PCED1B: variants seen among roughly 807,000 people sequenced by gnomAD.
PCED1B encodes the protein PC-esterase domain-containing protein 1B.
For synonymous variants in PCED1B, 251 were observed against 246.1 expected, an observed-to-expected ratio of 1.02 and a Z score of -0.19; for missense variants, 573 against 573.9, an observed-to-expected ratio of 1.00 and a Z score of 0.02.
intron 2 of PCED1B, among the ~76,000 whole-genome samples, chr12:47,165,254 G>C (rs1941508547): frequency 6.6e-6 from 1 of 152,168 alleles, no homozygotes; most frequent in Non-Finnish European, 1.5e-5. Flanking sequence ...ATCTGAGTTA[G>C]CAAAACATTT....
At chr12:47,175,302 A>G (rs1283750720) in intron 2 of PCED1B, among the ~76,000 whole-genome samples, 1 of 152,204 alleles carries the variant, frequency 6.6e-6, no homozygotes, top group African/African-American at 2.4e-5. Flanking sequence ...AGTTGAATGT[A>G]AAAGTATTTA....
chr12:47,217,343 G>T (rs527363353), intron 3 of PCED1B, among the ~76,000 whole-genome samples: 1 of 151,334 alleles, frequency 6.6e-6, no homozygotes, highest in Non-Finnish European at 1.5e-5. Flanking sequence ...TTGCTGCAGT[G>T]AGCCATGATT....
intron 2 of PCED1B, among the ~76,000 whole-genome samples, chr12:47,138,923 A>C (rs1200571255): frequency 6.6e-6 from 1 of 152,200 alleles, no homozygotes; most frequent in Non-Finnish European, 1.5e-5. Context: ...AATGTTTTTC[A>C]ACTATTCTTG....
chr12:47,115,652 T>C (rs1939386887), intron 2 of PCED1B, among the ~76,000 whole-genome samples: 1 of 152,220 alleles, frequency 6.6e-6, no homozygotes. Flanking sequence ...AAAAAGGTGA[T>C]ATGTAGTCTC....
chr12:47,125,401 T>C (rs1273775284), intron 2 of PCED1B, among the ~76,000 whole-genome samples: 2 of 152,062 alleles, frequency 1.3e-5, no homozygotes, highest in African/African-American at 4.8e-5. Context: ...AATACCGTAC[T>C]ATTTTGACTA....
intron 2 of PCED1B, among the ~76,000 whole-genome samples, chr12:47,146,848 T>G (rs1428025757): frequency 6.6e-6 from 1 of 152,230 alleles, no homozygotes; most frequent in Middle Eastern, 3.2e-3. Flanking sequence ...TGCCTGTATG[T>G]GATTGTTGAT....
In PCED1B at chr12:47,232,950, A is replaced by T. The variant is rs1943855368; in HGVS notation, c.-57-2057A>T. The stretch of plus-strand genomic sequence containing the variant: ...ATTTATTTATTTATTTATTTAATTT[A>T]TTTAGAGATGGGGTCTCACTTTGTG... On this transcript the variant is annotated intron_variant, in intron 3 of 3. Coordinates refer to ENST00000546455, the MANE Select transcript of PCED1B (RefSeq NM_138371.3). 2.6e-5 allele frequency among the ~76,000 whole-genome samples: 4 copies of T among 151,658 alleles called. No individual in the cohort carries two copies. The South Asian group carries it at 8.3e-4, about 32-fold the overall frequency.
intron 1 of PCED1B, among the ~76,000 whole-genome samples, chr12:47,080,911 G>C (rs1404278553): frequency 6.6e-6 from 1 of 152,078 alleles, no homozygotes; most frequent in African/African-American, 2.4e-5. Context: ...GCGCGTGCGG[G>C]ACAGGGAAGT....
At chr12:47,153,583 G>C (rs892042273) in intron 2 of PCED1B, among the ~76,000 whole-genome samples, 1 of 152,118 alleles carries the variant, frequency 6.6e-6, no homozygotes, top group Non-Finnish European at 1.5e-5. Flanking sequence ...GAAAGGAAAA[G>C]TCATCTGTAC....
chr12:47,118,011 C>G (rs1174645541), intron 2 of PCED1B, among the ~76,000 whole-genome samples: 1 of 152,042 alleles, frequency 6.6e-6, no homozygotes, highest in African/African-American at 2.4e-5. Flanking sequence ...TGAGAAGTGT[C>G]TGTTCATATC....
chr12:47,129,821 T>C (rs1479725668), intron 2 of PCED1B, among the ~76,000 whole-genome samples: 12 of 152,218 alleles, frequency 7.9e-5, no homozygotes, highest in Non-Finnish European at 1.8e-4. Context: ...GGGAGTGGTG[T>C]GCCTAGTAGG....
chr12:47,157,645 A>T (rs537213581), intron 2 of PCED1B, among the ~76,000 whole-genome samples: 1 of 152,334 alleles, frequency 6.6e-6, no homozygotes, highest in South Asian at 2.1e-4. Flanking sequence ...AATATATGTA[A>T]CATAAAATGT....
chr12:47,162,022 C>A (rs1375150514), intron 2 of PCED1B, among the ~76,000 whole-genome samples: 2 of 151,468 alleles, frequency 1.3e-5, no homozygotes, highest in Non-Finnish European at 2.9e-5. Flanking sequence ...GACAGAAAAC[C>A]AAACACCGCA....
chr12:47,168,862 A>G (rs1192399314), intron 2 of PCED1B, among the ~76,000 whole-genome samples: 1 of 152,110 alleles, frequency 6.6e-6, no homozygotes, highest in African/African-American at 2.4e-5. Context: ...TTATTAGAGA[A>G]TATAACCTGT....
intron 1 of PCED1B, among the ~76,000 whole-genome samples, chr12:47,089,574 C>A (rs1240241364): frequency 6.8e-6 from 1 of 148,086 alleles, no homozygotes; most frequent in Non-Finnish European, 1.5e-5. Flanking sequence ...AGTTTATAAT[C>A]ATAAATATGT....
At chr12:47,139,174 C>A (rs962278924) in intron 2 of PCED1B, among the ~76,000 whole-genome samples, 1 of 152,098 alleles carries the variant, frequency 6.6e-6, no homozygotes, top group African/African-American at 2.4e-5. Flanking sequence ...ATTTTTGTAA[C>A]CTTAGACAAG....
At chr12:47,110,334 AAG>A (rs995760149) in intron 2 of PCED1B, among the ~76,000 whole-genome samples, 2 of 152,152 alleles carry the variant, frequency 1.3e-5, no homozygotes, top group African/African-American at 4.8e-5. Flanking sequence ...TTTGTCAACA[AAG>A]AGGAAAGCGC....
intron 2 of PCED1B, among the ~76,000 whole-genome samples, chr12:47,167,649 G>A (rs1003828041): frequency 3.9e-5 from 6 of 152,188 alleles, no homozygotes; most frequent in Non-Finnish European, 7.3e-5. Context: ...CACAGAGAAC[G>A]AAGCTGGATT....
intron 2 of PCED1B, among the ~76,000 whole-genome samples, chr12:47,114,413 A>C (rs1353723870): frequency 6.6e-6 from 1 of 152,188 alleles, no homozygotes; most frequent in Non-Finnish European, 1.5e-5. Flanking sequence ...TTTTCAGTTC[A>C]TTAAAATCTG....
Sources: gnomAD v4.1 joint callset for allele counts (sites outside exome capture counted in the v4.1 genomes callset) on GRCh38, gnomAD v4.1.1 for gene constraint, MANE v1.5 for transcripts, NCBI Gene and HGNC (gene_info 2026-07-23, HGNC 2026-07-21) for gene names.